The following KALRN variants were observed in gnomAD, a reference collection of about 807,000 sequenced individuals.
KALRN encodes the protein kalirin.
In KALRN, 70 loss-of-function variants were observed where a neutral mutation model predicts 353.7. The observed-to-expected ratio is 0.20, with a 90% CI of 0.16 to 0.24. The LOEUF (loss-of-function observed/expected upper bound fraction) is 0.24. Among genes scored for constraint, KALRN ranks in the 10% least tolerant of loss-of-function variants. KALRN has a pLI of 1.00. For synonymous variants in KALRN, 1,391 were observed against 1,434.8 expected, an observed-to-expected ratio of 0.97 and a Z score of 0.69; for missense variants, 2,791 against 3,756.7, an observed-to-expected ratio of 0.74 and a Z score of 6.72.
chr3:124,399,479 T>C (rs1228404997), intron 13 of KALRN, among the ~76,000 whole-genome samples: 3 of 152,216 alleles, frequency 2.0e-5, no homozygotes, highest in Non-Finnish European at 4.4e-5. Flanking sequence ...TTACTTGGCA[T>C]TTTCCTGAAA....
chr3:124,442,538 A>G (rs1208055793), intron 19 of KALRN, among the ~76,000 whole-genome samples: 4 of 152,190 alleles, frequency 2.6e-5, no homozygotes, highest in African/African-American at 7.2e-5. Context: ...CCTAAAACCA[A>G]ATGCTGACCC....
chr3:124,197,080 T>C (rs776064829), intron 1 of KALRN, among the ~76,000 whole-genome samples: 3 of 152,218 alleles, frequency 2.0e-5, no homozygotes, highest in African/African-American at 4.8e-5. Context: ...ACTCTCTTAG[T>C]GTTGGACATT....
chr3:124,607,057 A>G (rs1483660350), intron 34 of KALRN, among the ~76,000 whole-genome samples: 1 of 152,254 alleles, frequency 6.6e-6, no homozygotes, highest in Non-Finnish European at 1.5e-5. Context: ...TGACTCATCA[A>G]TACCACTTCT....
At chr3:124,522,004 A>G (rs1373759465) in intron 33 of KALRN, among the ~76,000 whole-genome samples, 1 of 152,218 alleles carries the variant, frequency 6.6e-6, no homozygotes, top group African/African-American at 2.4e-5. Context: ...AATAAACAAA[A>G]TAAATAACAC....
At chr3:124,417,246 A>G (rs935462668) in intron 14 of KALRN, among the ~76,000 whole-genome samples, 2 of 152,162 alleles carry the variant, frequency 1.3e-5, no homozygotes, top group Non-Finnish European at 2.9e-5. Context: ...CTGATTTTGG[A>G]AGTCCCTTTT....
At chr3:124,287,747 A>G (rs1327522435) in intron 5 of KALRN, among the ~76,000 whole-genome samples, 2 of 107,406 alleles carry the variant, frequency 1.9e-5, no homozygotes, top group Admixed American at 1.0e-4. Context: ...TGGAATCAGA[A>G]AATCAATGGT....
rs4048324 is a variant in KALRN, at chr3:124,464,857, CAA to C, written c.4031+2242_4031+2243del. 5.5e-3 allele frequency among the ~76,000 whole-genome samples: 483 copies of C among 87,332 alleles called. 10 individuals carry two copies. The East Asian group carries it at 0.099, about 18-fold the overall frequency. 57.3% of individuals were successfully genotyped at this position (87,332 alleles called of 152,430 possible). Reference sequence around the variant, plus strand: ...CTGCAAAAACAGTAGGCAATAGAACCAAAAAAAAAAAAAAAAAAACCTCATAG... The same window carrying C: ...CTGCAAAAACAGTAGGCAATAGAACCAAAAAAAAAAAAAAAAACCTCATAG... On this transcript the variant is annotated intron_variant, in intron 25 of 59. Transcript: ENST00000682506.
At chr3:124,281,092 A>G (rs1359359938) in intron 5 of KALRN, among the ~76,000 whole-genome samples, 2 of 152,174 alleles carry the variant, frequency 1.3e-5, no homozygotes, top group Non-Finnish European at 2.9e-5. Flanking sequence ...AAGGAATATT[A>G]ATCTCTTGGA....
Position 124,725,270 on chromosome 3 carries a change from C to T in KALRN, c.*5800C>T, listed in dbSNP as rs2150876226. ...CTAACTTAAGCCATATCTGTCAACT[C>T]TATGTTTGATTTTTCTGACCCTGGT... On this transcript the variant is annotated 3_prime_UTR_variant, in exon 60 of 60. Transcript: ENST00000682506. 1 of 152,308 alleles carries T rather than the reference C, an allele frequency of 6.6e-6. No homozygotes were observed. The highest frequency in any genetic ancestry group is 2.4e-5 in the African/African-American group (1 of 41,562). The allele number at this position is 152,308 out of a possible 1,614,324, so 9.4% of individuals were successfully genotyped here.
intron 6 of KALRN, among the ~76,000 whole-genome samples, chr3:124,299,661 G>T (rs1186425344): frequency 6.6e-6 from 1 of 152,150 alleles, no homozygotes; most frequent in East Asian, 1.9e-4. Flanking sequence ...ACCATATAAG[G>T]TTGTTGTAAG....
At chr3:124,192,475 G>T (rs1405762831) in intron 1 of KALRN, among the ~76,000 whole-genome samples, 3 of 152,016 alleles carry the variant, frequency 2.0e-5, no homozygotes, top group South Asian at 2.1e-4. Context: ...GTACAATGGG[G>T]TGACTATAGT....
intron 1 of KALRN, among the ~76,000 whole-genome samples, chr3:124,108,186 TACTCTGC>T (rs1324948607): frequency 6.6e-6 from 1 of 152,186 alleles, no homozygotes; most frequent in East Asian, 1.9e-4. Flanking sequence ...CTTGGTTCCA[TACTCTGC>T]CCTGGGGGTA....
At chr3:124,661,767 C>T in intron 44 of KALRN, 84 bp from the exon 45 acceptor site, 1 of 1,023,090 alleles carries the variant, frequency 9.8e-7, no homozygotes, top group Non-Finnish European at 1.6e-6. Context: ...GAGATGAAGT[C>T]CCTGTTTTCC....
rs190815872 is a variant in KALRN at position 124,334,994 on chromosome 3, C to G, written c.1647+499C>G. On this transcript the variant is annotated intron_variant, in intron 9 of 59. Coordinates refer to ENST00000682506, the MANE Select transcript of KALRN (RefSeq NM_001388419.1). The surrounding 1 kb of genome is among the most constrained non-coding windows in gnomAD (Gnocchi z 4.2). ...ATTTTTGGTGGAGACGGGGTTTCAC[C>G]ATGTTGACCAGGCTGGTCTTGAACT... is the stretch of plus-strand genomic sequence containing the variant. Among the ~76,000 whole-genome samples, 304 of 152,244 alleles carry G rather than the reference C, an allele frequency of 2.0e-3. 1 individual carries two copies. Among genetic ancestry groups the G allele is most frequent in the African/African-American group, 6.8e-3 (284 of 41,546 alleles).
intron 10 of KALRN, among the ~76,000 whole-genome samples, chr3:124,383,778 C>G (rs2087776066): frequency 6.6e-6 from 1 of 152,152 alleles, no homozygotes; most frequent in Non-Finnish European, 1.5e-5. Flanking sequence ...GCACCCAGGT[C>G]TTCAAGTGAG....
At chr3:124,261,767 A>T (rs2072900887) in intron 3 of KALRN, among the ~76,000 whole-genome samples, 1 of 152,338 alleles carries the variant, frequency 6.6e-6, no homozygotes, top group South Asian at 2.1e-4. Flanking sequence ...CAGGAAAATA[A>T]GGAAGACAAT....
At chr3:124,042,787 G>A (rs574986995) in intron 1 of KALRN, among the ~76,000 whole-genome samples, 7 of 152,278 alleles carry the variant, frequency 4.6e-5, no homozygotes, top group South Asian at 2.1e-4. Context: ...GCTAAGGGAC[G>A]TGTGGATTCA....
At chr3:124,058,797 ATCC>A (rs146789987) in intron 1 of KALRN, among the ~76,000 whole-genome samples, 2,807 of 152,242 alleles carry the variant, frequency 0.018, 83 homozygotes, top group African/African-American at 0.063. Flanking sequence ...TGGACCATTC[ATCC>A]TCCAGGCTGA....
intron 1 of KALRN, among the ~76,000 whole-genome samples, chr3:124,111,714 G>A (rs1201515275): frequency 1.3e-5 from 2 of 152,258 alleles, no homozygotes; most frequent in East Asian, 3.9e-4. Flanking sequence ...TAGGGGGCAT[G>A]TTCATTGAAA....
Sources: gnomAD v4.1 joint callset for allele counts (sites outside exome capture counted in the v4.1 genomes callset) on GRCh38, gnomAD v4.1.1 for gene constraint, Gnocchi (gnomAD v3.1) non-coding constraint, MANE v1.5 for transcripts, NCBI Gene and HGNC (gene_info 2026-07-23, HGNC 2026-07-21) for gene names.